MTMR6: variants seen among roughly 807,000 people sequenced by gnomAD.
MTMR6 encodes phosphatidylinositol-3,5-bisphosphate 3-phosphatase MTMR6.
MTMR6 carries 47 observed loss-of-function variants against 80.1 expected under a neutral mutation model. The observed-to-expected ratio is 0.59, with a 90% CI of 0.46 to 0.75. The LOEUF is 0.75. Ranked by LOEUF, MTMR6 falls within the 30% of genes least tolerant of loss-of-function variation. The pLI is 0.00. For missense variants in MTMR6, 629 were observed against 730.9 expected (o/e 0.86, Z 1.61); for synonymous variants, 254 against 253.0 (o/e 1.00, Z -0.04).
intron 9 of MTMR6, among the ~76,000 whole-genome samples, chr13:25,255,110 C>A (rs746406157): frequency 2.0e-5 from 3 of 152,198 alleles, no homozygotes; most frequent in Non-Finnish European, 2.9e-5. Flanking sequence ...CACTTTATCA[C>A]TTAACTATAC....
At chr13:25,272,914 T>C (rs1467628240) in intron 2 of MTMR6, among the ~76,000 whole-genome samples, 2 of 152,188 alleles carry the variant, frequency 1.3e-5, no homozygotes, top group Admixed American at 1.3e-4. Flanking sequence ...CCGTGTCTTT[T>C]TGGTTGATTT....
intron 11 of MTMR6, among the ~76,000 whole-genome samples, chr13:25,253,047 C>T (rs1365386184): frequency 6.6e-6 from 1 of 152,070 alleles, no homozygotes; most frequent in African/African-American, 2.4e-5. Flanking sequence ...AACTCAGAAG[C>T]CCAACCTAAA....
Position 25,254,419 on chromosome 13 carries a change from C to A in MTMR6, c.1111G>T (p.Asp371Tyr). ...AATTTATGTCCAAAAGAGATCCAAT[C>A]CTTTTCTATTAAAACCTTAATGAGA... The part of the protein sequence containing the change: ...IKGFMVLIEK[D>Y]WISFGHKFSE... Residue 371 changes from aspartate to tyrosine, a missense_variant, in exon 10 of 14, where the codon GAT (aspartate) becomes TAT (tyrosine). Physicochemically the swap from Asp to Tyr is radical, Grantham distance 160 (BLOSUM62 -3). Transcript: ENST00000381801. 6.4e-7 allele frequency: 1 copy of A among 1,564,656 alleles called. No homozygotes were observed. Among genetic ancestry groups the A allele is most frequent in the Non-Finnish European group, 8.8e-7 (1 of 1,139,184 alleles).
intron 5 of MTMR6, among the ~76,000 whole-genome samples, chr13:25,262,559 G>A (rs1371529224): frequency 6.6e-6 from 1 of 152,100 alleles, no homozygotes; most frequent in East Asian, 1.9e-4. Context: ...GTTAAGATGG[G>A]TTTTTGCCAT....
At chr13:25,272,423 CTTTA>C (rs1032361291) in intron 2 of MTMR6, among the ~76,000 whole-genome samples, 44 of 152,156 alleles carry the variant, frequency 2.9e-4, no homozygotes, top group African/African-American at 9.9e-4. Flanking sequence ...ACCTAGAACT[CTTTA>C]TTTGTTTTCT....
At chr13:25,263,264 G>A (rs955520073) in intron 5 of MTMR6, among the ~76,000 whole-genome samples, 3 of 152,160 alleles carry the variant, frequency 2.0e-5, no homozygotes, top group Admixed American at 1.3e-4. Flanking sequence ...ACCTCTGAAG[G>A]CTTGAGCAGG....
intron 1 of MTMR6, among the ~76,000 whole-genome samples, chr13:25,286,358 G>A (rs1219834924): frequency 6.6e-6 from 1 of 152,188 alleles, no homozygotes; most frequent in Admixed American, 6.5e-5. Flanking sequence ...ACGTCAAGAG[G>A]CTGCCTTGCA....
Position 25,257,256 on chromosome 13 carries a change from C to T in MTMR6, c.1035G>A (p.Gln345=). The T allele has an allele frequency of 6.2e-7, 1 of 1,613,900 alleles. No individual in the cohort carries two copies. Among genetic ancestry groups the T allele is most frequent in the Non-Finnish European group, 8.5e-7 (1 of 1,179,838 alleles). ...ATAAAAGAGAACCCAGGGAACAAAC[C>T]TGGGAAGTCCTATCCCAACCATCGG... ...HCSDGWDRTS[Q]VCSLGSLLLD... is the part of the protein sequence containing the mutation. Residue 345 remains glutamine (Q), a synonymous_variant, in exon 9 of 14, where the codon CAG becomes CAA. Coordinates refer to ENST00000381801, the MANE Select transcript of MTMR6 (RefSeq NM_004685.5).
intron 1 of MTMR6, among the ~76,000 whole-genome samples, chr13:25,275,507 A>G (rs1404024710): frequency 2.6e-5 from 4 of 152,060 alleles, no homozygotes; most frequent in Non-Finnish European, 5.9e-5. Flanking sequence ...TATATCTTCA[A>G]AATCATCTAG....
chr13:25,267,965 G>A (rs1223259216), intron 2 of MTMR6, 24 bp from the exon 3 acceptor site: 1 of 1,552,052 alleles, frequency 6.4e-7, no homozygotes, highest in Non-Finnish European at 8.7e-7. Flanking sequence ...AAACATCCAG[G>A]TCATCAACAT....
chr13:25,275,991 T>C (rs1566043172), intron 1 of MTMR6, among the ~76,000 whole-genome samples: 1 of 152,026 alleles, frequency 6.6e-6, no homozygotes. Flanking sequence ...TATTTCACTG[T>C]TTAGGACTAT....
chr13:25,272,226 T>A (rs139165530), intron 2 of MTMR6, among the ~76,000 whole-genome samples: 273 of 152,240 alleles, frequency 1.8e-3, no homozygotes, highest in African/African-American at 6.2e-3. Flanking sequence ...AGAACCTTTA[T>A]GACTTTGACA....
At position 25,253,711 on chromosome 13, in the gene MTMR6, A is replaced by G. The variant is rs1211868151; in HGVS notation, c.1346+53T>C. 10 of 1,447,962 alleles carry G rather than the reference A, an allele frequency of 6.9e-6. 2 individuals are homozygous for G. Among genetic ancestry groups the G allele is most frequent in the Non-Finnish European group, 8.6e-6 (9 of 1,052,366 alleles). The allele number at this position is 1,447,962 out of a possible 1,614,324, so 89.7% of individuals were successfully genotyped here. A position where few individuals can be genotyped will look rare whatever the true frequency, so the allele number is the denominator to read the frequency against. On this transcript the variant is annotated intron_variant, in intron 11 of 13. Coordinates refer to ENST00000381801, the MANE Select transcript of MTMR6 (RefSeq NM_004685.5). The stretch of plus-strand genomic sequence containing the variant: ...TTAAGTTTCAAACATGATTTTTGTT[A>G]GACCTCGGCTAAGTAGGGGGAAAAG...
chr13:25,261,947 A>C, intron 5 of MTMR6, 145 bp from the exon 6 acceptor site: 1 of 725,954 alleles, frequency 1.4e-6, no homozygotes, highest in Non-Finnish European at 2.1e-6. Context: ...TGAATTAAAT[A>C]CTATTTCAAT....
intron 6 of MTMR6, 51 bp from the exon 7 acceptor site, chr13:25,258,743 C>A: frequency 7.0e-7 from 1 of 1,423,880 alleles, no homozygotes; most frequent in Non-Finnish European, 9.3e-7. Flanking sequence ...TTTTAATTTA[C>A]CAAAATGTCA....
intron 1 of MTMR6, among the ~76,000 whole-genome samples, chr13:25,282,095 T>A (rs1566045160): frequency 6.6e-6 from 1 of 152,134 alleles, no homozygotes; most frequent in Non-Finnish European, 1.5e-5. Flanking sequence ...CTGTCTTGCT[T>A]GTTCTTAGCA....
chr13:25,254,440 T>G lies in MTMR6; in HGVS notation c.1096-6A>C, dbSNP rs751092086. 1 of 1,521,192 alleles carries G rather than the reference T, an allele frequency of 6.6e-7. No homozygotes were observed. Among genetic ancestry groups the G allele is most frequent in the Non-Finnish European group, 9.1e-7 (1 of 1,101,886 alleles). 94.2% of individuals were successfully genotyped at this position (1,521,192 alleles called of 1,614,324 possible). A position where few individuals can be genotyped will look rare whatever the true frequency, so the allele number is the denominator to read the frequency against. ...CAATCCTTTTCTATTAAAACCTTAA[T>G]GAGAAAAAGTAAAATTCACTTTCTG... is the stretch of plus-strand genomic sequence containing the variant. On this transcript the variant is annotated splice_region_variant and splice_polypyrimidine_tract_variant and intron_variant, in intron 9 of 13. Transcript: ENST00000381801.
chr13:25,266,064 G>A (rs982554978), intron 4 of MTMR6, 65 bp downstream of exon 4: 8 of 1,593,116 alleles, frequency 5.0e-6, no homozygotes, highest in African/African-American at 2.7e-5. Flanking sequence ...AACTTGCTAC[G>A]CTGACACTCT....
chr13:25,285,633 G>A (rs929844633), intron 1 of MTMR6, among the ~76,000 whole-genome samples: 6 of 151,766 alleles, frequency 4.0e-5, no homozygotes, highest in African/African-American at 1.5e-4. Flanking sequence ...TTCCCCGGTT[G>A]AAGCAATTCT....
Sources: allele counts gnomAD v4.1 joint callset (sites outside exome capture counted in the v4.1 genomes callset), GRCh38; gene constraint gnomAD v4.1.1; transcripts MANE v1.5; gene names NCBI Gene and HGNC (gene_info 2026-07-23, HGNC 2026-07-21).